CTNND2: variants seen among roughly 807,000 people sequenced by gnomAD.
CTNND2 encodes catenin delta 2.
Under a neutral mutation model 144.4 loss-of-function variants are expected in CTNND2, and 22 were observed. The observed-to-expected ratio is 0.15, with a 90% confidence interval of 0.11 to 0.22. The LOEUF (loss-of-function observed/expected upper bound fraction) is 0.22, where lower values mean the gene tolerates loss of function less well. Among genes scored for constraint, CTNND2 ranks in the 10% least tolerant of loss-of-function variants. CTNND2 has a pLI of 1.00. For synonymous variants in CTNND2, 751 were observed against 695.6 expected (o/e 1.08, Z -1.25); for missense variants, 1,353 against 1,618.8 (o/e 0.84, Z 2.82).
At chr5:11,128,896 T>A (rs867989404) in intron 12 of CTNND2, among the ~76,000 whole-genome samples, 838 of 47,222 alleles carry the variant, frequency 0.018, 21 homozygotes, top group Non-Finnish European at 0.029. Flanking sequence ...AAATATATAT[T>A]ACATATATAA....
At chr5:11,525,360 GATAC>G (rs1340175080) in intron 3 of CTNND2, among the ~76,000 whole-genome samples, 2 of 151,882 alleles carry the variant, frequency 1.3e-5, no homozygotes, top group East Asian at 3.9e-4. Context: ...TGCACAAACT[GATAC>G]ATTGTCTTTT....
At chr5:11,728,612 C>G (rs1787154923) in intron 2 of CTNND2, among the ~76,000 whole-genome samples, 1 of 152,074 alleles carries the variant, frequency 6.6e-6, no homozygotes, top group African/African-American at 2.4e-5. Context: ...TAATGGTACT[C>G]AAAAAATCCT....
intron 11 of CTNND2, among the ~76,000 whole-genome samples, chr5:11,163,481 T>C (rs749056358): frequency 4.1e-4 from 63 of 152,336 alleles, no homozygotes; most frequent in South Asian, 1.0e-3. Context: ...GACATAAATG[T>C]TGGTTGTTTT....
intron 1 of CTNND2, among the ~76,000 whole-genome samples, chr5:11,802,847 C>T (rs1791770861): frequency 6.6e-6 from 1 of 152,144 alleles, no homozygotes; most frequent in Non-Finnish European, 1.5e-5. Flanking sequence ...CTTCTATGAG[C>T]ATGTGCCTAG....
chr5:11,834,764 G>C (rs1015188593), intron 1 of CTNND2, among the ~76,000 whole-genome samples: 3 of 152,062 alleles, frequency 2.0e-5, no homozygotes, highest in Non-Finnish European at 2.9e-5. Context: ...ACCCACTTTC[G>C]AATCTCCTGA....
intron 11 of CTNND2, among the ~76,000 whole-genome samples, chr5:11,181,436 C>G (rs897252556): frequency 6.6e-6 from 1 of 152,116 alleles, no homozygotes; most frequent in Non-Finnish European, 1.5e-5. Flanking sequence ...TGGCGACAAC[C>G]AGCAGAGCAC....
At position 11,054,105 on chromosome 5, in the gene CTNND2, C is replaced by T. The variant is rs190825928; in HGVS notation, c.2788+28591G>A. On this transcript the variant is annotated intron_variant, in intron 16 of 21. Coordinates refer to ENST00000304623, the MANE Select transcript of CTNND2 (RefSeq NM_001332.4). The stretch of plus-strand genomic sequence containing the variant: ...TTCACAGAACAGAGGTGCTGAAAAA[C>T]CTTTGCTTGGGAGCCTCCAAGGAAC... Among the ~76,000 whole-genome samples the T allele has an allele frequency of 8.5e-5, 13 of 152,210 alleles. No homozygotes were observed. The East Asian group carries it at 2.3e-3, about 27-fold the overall frequency.
chr5:11,092,175 G>C (rs953953002), intron 15 of CTNND2, among the ~76,000 whole-genome samples: 1 of 152,158 alleles, frequency 6.6e-6, no homozygotes. Flanking sequence ...CTAATGTCTA[G>C]TGTCTTACTA....
chr5:11,706,855 G>A (rs1396798231), intron 2 of CTNND2, among the ~76,000 whole-genome samples: 1 of 152,060 alleles, frequency 6.6e-6, no homozygotes, highest in Non-Finnish European at 1.5e-5. Context: ...GGAGGCTGAG[G>A]CGGGCGGATC....
intron 12 of CTNND2, among the ~76,000 whole-genome samples, chr5:11,144,032 C>T (rs1403339696): frequency 6.6e-6 from 1 of 151,810 alleles, no homozygotes; most frequent in African/African-American, 2.4e-5. Context: ...GGGCTTGTCC[C>T]CAGGTCTGCA....
intron 9 of CTNND2, among the ~76,000 whole-genome samples, chr5:11,330,528 TAC>T (rs1753018809): frequency 6.8e-6 from 1 of 146,992 alleles, no homozygotes; most frequent in South Asian, 2.2e-4. Flanking sequence ...AACTTATGGT[TAC>T]AGAGTTCAGG....
chr5:11,451,955 C>T (rs1432446745), intron 3 of CTNND2, among the ~76,000 whole-genome samples: 2 of 152,190 alleles, frequency 1.3e-5, no homozygotes, highest in South Asian at 2.1e-4. Flanking sequence ...ATTCCAAAGT[C>T]CACTTTCCTC....
intron 2 of CTNND2, among the ~76,000 whole-genome samples, chr5:11,679,896 G>T (rs1204908961): frequency 6.6e-6 from 1 of 152,178 alleles, no homozygotes; most frequent in Non-Finnish European, 1.5e-5. Context: ...CAAACAGCTA[G>T]TAACACATTC....
chr5:11,297,890 G>A (rs527376107), intron 9 of CTNND2, among the ~76,000 whole-genome samples: 7 of 152,090 alleles, frequency 4.6e-5, no homozygotes, highest in Non-Finnish European at 8.8e-5. Context: ...TCAAAAAAGT[G>A]ACAAGACAAA....
chr5:11,845,339 G>A (rs1794683502), intron 1 of CTNND2, among the ~76,000 whole-genome samples: 1 of 152,066 alleles, frequency 6.6e-6, no homozygotes, highest in Non-Finnish European at 1.5e-5. Context: ...TGGCTGATAT[G>A]GACTATATTA....
intron 3 of CTNND2, among the ~76,000 whole-genome samples, chr5:11,480,323 A>G (rs149948499): frequency 6.6e-6 from 1 of 152,288 alleles, no homozygotes; most frequent in Non-Finnish European, 1.5e-5. Flanking sequence ...TAATTCACCA[A>G]TGCCACTTGG....
intron 3 of CTNND2, among the ~76,000 whole-genome samples, chr5:11,545,808 T>C (rs1335180130): frequency 1.3e-5 from 2 of 152,074 alleles, no homozygotes; most frequent in East Asian, 3.9e-4. Context: ...TGTACATGAA[T>C]GTTCATAGCA....
intron 3 of CTNND2, among the ~76,000 whole-genome samples, chr5:11,445,701 G>C (rs1764736003): frequency 6.6e-6 from 1 of 152,230 alleles, no homozygotes; most frequent in Non-Finnish European, 1.5e-5. Context: ...CCACAGGGAG[G>C]AAATTTTGAC....
chr5:11,258,998 C>T (rs1468131469), intron 9 of CTNND2, among the ~76,000 whole-genome samples: 2 of 152,158 alleles, frequency 1.3e-5, no homozygotes, highest in Admixed American at 6.5e-5. Flanking sequence ...CTACAGTTCC[C>T]GTGATTTAAT....
Sources: gnomAD v4.1 joint callset for allele counts (sites outside exome capture counted in the v4.1 genomes callset) on GRCh38, gnomAD v4.1.1 for gene constraint, MANE v1.5 for transcripts, NCBI Gene and HGNC (gene_info 2026-07-23, HGNC 2026-07-21) for gene names.